Variants in ART3 observed in about 807,000 individuals in gnomAD.
ART3 encodes the protein ecto-ADP-ribosyltransferase 3.
In ART3, 49 loss-of-function variants were observed where a neutral mutation model predicts 48.5. The observed-to-expected ratio is 1.01, with a 90% CI of 0.80 to 1.28. The LOEUF (loss-of-function observed/expected upper bound fraction) is 1.28. Among genes scored for constraint, ART3 ranks in the 50% most tolerant of loss-of-function variants. ART3 has a pLI of 0.00. For synonymous variants in ART3, 145 were observed against 157.2 expected (o/e 0.92, Z 0.58); for missense variants, 438 against 454.3 (o/e 0.96, Z 0.33).
At chr4:76,092,821 A>G (rs886658685) in intron 3 of ART3, among the ~76,000 whole-genome samples, 6 of 152,022 alleles carry the variant, frequency 3.9e-5, no homozygotes, top group Non-Finnish European at 8.8e-5. Flanking sequence ...GTTTCTTGTT[A>G]TTAGTATTTT....
rs1374136433 is a variant in ART3, at chr4:76,107,792, T to C, written c.1035T>C (p.Pro345=). 6 of 1,471,722 alleles carry C rather than the reference T, an allele frequency of 4.1e-6. No homozygotes were observed. The highest frequency in any genetic ancestry group is 5.5e-6 in the Non-Finnish European group (6 of 1,084,930). The allele number at this position is 1,471,722 out of a possible 1,614,324, so 91.2% of individuals were successfully genotyped here. A position where few individuals can be genotyped will look rare whatever the true frequency, so the allele number is the denominator to read the frequency against. Residue 345 remains proline (P), a splice_region_variant and synonymous_variant, in exon 11 of 12, where the codon CCT becomes CCC. Transcript: ENST00000355810. ...EDKSQGNINN[P]TPGPVPVPGP... ...AAAGTCAAGGAAATATCAACAATCC[T>C]AGTAAGAAGTATCTCATTTCCTCAG...
intron 1 of ART3, among the ~76,000 whole-genome samples, chr4:76,031,336 T>C (rs1429312654): frequency 3.4e-5 from 5 of 147,212 alleles, no homozygotes; most frequent in African/African-American, 1.3e-4. Flanking sequence ...TCTAAAAATA[T>C]AATGAAGATC....
At chr4:76,091,235 G>A (rs1724817468) in intron 3 of ART3, among the ~76,000 whole-genome samples, 1 of 152,194 alleles carries the variant, frequency 6.6e-6, no homozygotes, top group African/African-American at 2.4e-5. Flanking sequence ...ATGGACATAT[G>A]CTTTCATTAC....
At chr4:76,044,093 T>C (rs1249738877) in intron 1 of ART3, among the ~76,000 whole-genome samples, 1 of 151,792 alleles carries the variant, frequency 6.6e-6, no homozygotes, top group Non-Finnish European at 1.5e-5. Flanking sequence ...GCCTCGATTC[T>C]AGAGGAAACA....
intron 1 of ART3, chr4:76,022,454 C>T (rs1443390834): frequency 9.3e-6 from 15 of 1,611,974 alleles, no homozygotes; most frequent in Non-Finnish European, 1.2e-5. Flanking sequence ...TTCATTGTAG[C>T]ACTGTAGAAA....
intron 5 of ART3, 113 bp from the exon 6 acceptor site, chr4:76,100,178 T>G: frequency 9.3e-7 from 1 of 1,071,898 alleles, no homozygotes; most frequent in Admixed American, 2.0e-5. Flanking sequence ...CCTGGACGTA[T>G]CAAATGGTTC....
At chr4:76,055,142 T>C (rs1718561741) in intron 1 of ART3, among the ~76,000 whole-genome samples, 1 of 152,206 alleles carries the variant, frequency 6.6e-6, no homozygotes. Flanking sequence ...CTAGCTTACT[T>C]TCTGTGTTTC....
chr4:76,100,875 C>T, intron 7 of ART3, 51 bp downstream of exon 7: 1 of 1,603,076 alleles, frequency 6.2e-7, no homozygotes, highest in Non-Finnish European at 8.5e-7. Context: ...AAGATACCTC[C>T]CTTTACAGGT....
At chr4:76,029,104 T>C (rs540584603) in intron 1 of ART3, among the ~76,000 whole-genome samples, 2 of 152,376 alleles carry the variant, frequency 1.3e-5, no homozygotes, top group African/African-American at 4.8e-5. Context: ...TCAAAATCTT[T>C]AGAAAATGTC....
chr4:76,027,527 A>G (rs1733515035), intron 1 of ART3, among the ~76,000 whole-genome samples: 1 of 142,320 alleles, frequency 7.0e-6, no homozygotes, highest in Non-Finnish European at 1.5e-5. Flanking sequence ...TGGTAGACTC[A>G]TAGGGGTGAT....
chr4:76,095,984 G>A (rs1049045281), intron 3 of ART3, among the ~76,000 whole-genome samples: 3 of 151,828 alleles, frequency 2.0e-5, no homozygotes, highest in African/African-American at 4.8e-5. Context: ...GTGCAGTGGC[G>A]CAATCTTGGC....
chr4:76,103,992 C>G (rs779126289), intron 9 of ART3, 23 bp downstream of exon 9: 2 of 1,610,500 alleles, frequency 1.2e-6, no homozygotes. Flanking sequence ...TCTATTTACT[C>G]CCTGAGCCCA....
intron 9 of ART3, 184 bp from the exon 10 acceptor site, chr4:76,104,413 T>C (rs1728015999): frequency 4.1e-6 from 4 of 985,306 alleles, no homozygotes; most frequent in South Asian, 9.4e-5. Context: ...AGAAGACTCC[T>C]CTAATCATGG....
chr4:76,030,174 A>C (rs1733747224), intron 1 of ART3, among the ~76,000 whole-genome samples: 2 of 152,226 alleles, frequency 1.3e-5, no homozygotes, highest in Admixed American at 6.5e-5. Context: ...CTCCTGCCTC[A>C]GCCTCCTGAG....
rs140658168 is a variant in ART3 at position 76,036,079 on chromosome 4, A to G, written c.-10+24759A>G. The G allele has an allele frequency of 1.0e-4, 123 of 1,211,030 alleles. 2 individuals carry two copies. In the African/African-American group the frequency reaches 1.4e-3, roughly 13 times the overall value. 75.0% of individuals were successfully genotyped at this position (1,211,030 alleles called of 1,614,324 possible). On this transcript the variant is annotated intron_variant, in intron 1 of 9. Transcript: ENST00000341029. ...GAGTAGAAATGCTGAACATGAAAGGAAATTGATAATTGGCATATATAGAGC... is the reference window on the plus strand; with the variant it reads ...GAGTAGAAATGCTGAACATGAAAGGGAATTGATAATTGGCATATATAGAGC...
At chr4:76,020,148 A>G (rs1268076354) in intron 1 of ART3, among the ~76,000 whole-genome samples, 2 of 148,164 alleles carry the variant, frequency 1.3e-5, no homozygotes, top group African/African-American at 2.5e-5. Flanking sequence ...TCTTTTAGAG[A>G]TGAGGTCTCA....
upstream of ART3, among the ~76,000 whole-genome samples, chr4:76,072,357 A>G (rs1188045136): frequency 6.6e-6 from 1 of 152,218 alleles, no homozygotes; most frequent in Non-Finnish European, 1.5e-5. Context: ...GATTTTTAAC[A>G]GGCTCAAATA....
intron 1 of ART3, among the ~76,000 whole-genome samples, chr4:76,029,201 G>A (rs1264882916): frequency 6.6e-6 from 1 of 152,172 alleles, no homozygotes; most frequent in Non-Finnish European, 1.5e-5. Flanking sequence ...AGTAGTGCCT[G>A]TTATTCCATA....
At chr4:76,078,091 G>A (rs79861149) in intron 2 of ART3, among the ~76,000 whole-genome samples, 17,344 of 151,332 alleles carry the variant, frequency 0.11, 1,348 homozygotes, top group East Asian at 0.35. Flanking sequence ...TTTTTTTCTC[G>A]GTGGTTATAT....
Sources: allele counts gnomAD v4.1 joint callset (sites outside exome capture counted in the v4.1 genomes callset), GRCh38; gene constraint gnomAD v4.1.1; transcripts MANE v1.5; gene names NCBI Gene and HGNC (gene_info 2026-07-23, HGNC 2026-07-21).